The following EYS variants were observed in gnomAD, a reference collection of about 807,000 sequenced individuals.
EYS encodes EGF-like photoreceptor maintenance factor, also known as protein eyes shut homolog.
A neutral mutation model predicts 282.1 loss-of-function variants in EYS; 250 were observed. The observed-to-expected ratio is 0.89, with a 90% CI of 0.80 to 0.98. The LOEUF is 0.98. Among genes scored for constraint, EYS ranks in the 50% least tolerant of loss-of-function variants. EYS has a pLI of 0.00. For synonymous variants in EYS, 1,355 were observed against 1,282.9 expected (o/e 1.06, Z -1.20); for missense variants, 4,016 against 3,709.0 (o/e 1.08, Z -2.15).
chr6:65,070,546 C>T (rs1773873461), intron 12 of EYS, among the ~76,000 whole-genome samples: 2 of 151,600 alleles, frequency 1.3e-5, no homozygotes, highest in African/African-American at 2.4e-5. Flanking sequence ...TTTGTGGGTA[C>T]ACTGTAGGTT....
At chr6:64,291,409 T>C (rs904161117) in intron 30 of EYS, among the ~76,000 whole-genome samples, 30 of 152,110 alleles carry the variant, frequency 2.0e-4, no homozygotes, top group African/African-American at 6.3e-4. Context: ...GTAAAACAAC[T>C]ATATTCATTT....
At chr6:64,473,821 G>C (rs954834864) in intron 26 of EYS, among the ~76,000 whole-genome samples, 1 of 152,110 alleles carries the variant, frequency 6.6e-6, no homozygotes, top group African/African-American at 2.4e-5. Context: ...TTTTAGATAA[G>C]ACTGTAGACC....
At chr6:65,655,930 C>T (rs1011001784) in intron 1 of EYS, among the ~76,000 whole-genome samples, 1 of 151,838 alleles carries the variant, frequency 6.6e-6, no homozygotes, top group Non-Finnish European at 1.5e-5. Flanking sequence ...GAAAGAAGTA[C>T]ATTGGTGTCA....
intron 10 of EYS, among the ~76,000 whole-genome samples, chr6:65,336,624 C>T (rs1171763577): frequency 1.3e-5 from 2 of 151,394 alleles, no homozygotes; most frequent in East Asian, 3.9e-4. Flanking sequence ...TTGCTAAATA[C>T]TTTTATCCTT....
chr6:65,567,970 C>T, intron 2 of EYS, among the ~76,000 whole-genome samples: 1 of 152,074 alleles, frequency 6.6e-6, no homozygotes. Context: ...TTCCCCACCT[C>T]TCCATGTATC....
chr6:63,987,742 G>A (rs553347938), intron 34 of EYS, among the ~76,000 whole-genome samples: 119 of 151,678 alleles, frequency 7.8e-4, no homozygotes, highest in African/African-American at 2.8e-3. Context: ...ATGGAATACT[G>A]TCATTGCCAG....
chr6:64,997,325 G>A (rs983125754), intron 14 of EYS, among the ~76,000 whole-genome samples: 4 of 152,186 alleles, frequency 2.6e-5, no homozygotes, highest in African/African-American at 9.6e-5. Flanking sequence ...ATTGCCACAA[G>A]TTGTGAATCC....
intron 21 of EYS, chr6:64,815,178 T>C (rs1030897960): frequency 2.3e-6 from 1 of 436,998 alleles, no homozygotes; most frequent in Non-Finnish European, 4.6e-6. Flanking sequence ...TAGAACTAAG[T>C]ATGTTTTTAT....
chr6:65,678,461 T>C (rs903644446), intron 1 of EYS, among the ~76,000 whole-genome samples: 1 of 151,968 alleles, frequency 6.6e-6, no homozygotes, highest in Non-Finnish European at 1.5e-5. Context: ...TAACTCAAAA[T>C]AGATTAAAGA....
intron 26 of EYS, among the ~76,000 whole-genome samples, chr6:64,514,462 G>A (rs1278742772): frequency 6.6e-6 from 1 of 151,848 alleles, no homozygotes; most frequent in Non-Finnish European, 1.5e-5. Flanking sequence ...CCATGGCCTT[G>A]TGACCTAAGC....
rs115915159 is a variant in EYS, at chr6:64,057,172, A to C, written c.6725+9166T>G. Among the ~76,000 whole-genome samples, 395 of 152,330 alleles carry C rather than the reference A, an allele frequency of 2.6e-3. 1 individual carries two copies. Among genetic ancestry groups the C allele is most frequent in the African/African-American group, 8.8e-3 (366 of 41,580 alleles). On this transcript the variant is annotated intron_variant, in intron 33 of 42. Coordinates refer to ENST00000503581, the MANE Select transcript of EYS (RefSeq NM_001142800.2). ...GTACCTGTCTATGGAACAGGCTTTC[A>C]ATTTTAAAGAAAATTGGTAAATCTT...
rs56901295 is a variant in EYS, at chr6:64,838,617, T to TACAC, written c.2993-15799_2993-15796dup. Among the ~76,000 whole-genome samples the TACAC allele has an allele frequency of 9.9e-3, 1,489 of 149,666 alleles. 15 individuals are homozygous for TACAC. Among genetic ancestry groups the TACAC allele is most frequent in the Non-Finnish European group, 0.015 (1,034 of 67,202 alleles). ...GAGTCTTCCTCTCTTTCTGTTTCTC[T>TACAC]ACACACACACACACACACACACACA... On this transcript the variant is annotated intron_variant, in intron 19 of 42. Transcript: ENST00000503581.
intron 2 of EYS, among the ~76,000 whole-genome samples, chr6:65,599,868 C>A (rs921692058): frequency 1.3e-5 from 2 of 151,940 alleles, no homozygotes; most frequent in Admixed American, 6.6e-5. Context: ...AAACAAATAC[C>A]TTGAGTGCTA....
In EYS at chr6:63,887,759, GAAGT is replaced by G. The variant is rs562525456; in HGVS notation, c.7056-23405_7056-23402del. 9.6e-3 allele frequency among the ~76,000 whole-genome samples: 1,079 copies of G among 112,718 alleles called. 30 individuals are homozygous for G. The highest frequency in any genetic ancestry group is 3.8e-3 in the Non-Finnish European group (168 of 43,874). 73.9% of individuals were successfully genotyped at this position (112,718 alleles called of 152,430 possible). The stretch of plus-strand genomic sequence containing the variant: ...TTGGGCAGCCACTGAGCTAGATGCA[GAAGT>G]TTTTTTTCATACCCCAGTGGTACCT... On this transcript the variant is annotated intron_variant, in intron 35 of 42. Coordinates refer to ENST00000503581, the MANE Select transcript of EYS (RefSeq NM_001142800.2).
At chr6:64,653,726 A>C (rs1187681666) in intron 22 of EYS, among the ~76,000 whole-genome samples, 1 of 77,276 alleles carries the variant, frequency 1.3e-5, no homozygotes, top group Non-Finnish European at 2.6e-5. Flanking sequence ...CACCATGCCC[A>C]GCTATTTTTT....
At chr6:64,598,087 A>G (rs554241489) in intron 24 of EYS, among the ~76,000 whole-genome samples, 1 of 152,354 alleles carries the variant, frequency 6.6e-6, no homozygotes, top group Admixed American at 6.5e-5. Flanking sequence ...CATTAAGTGG[A>G]AAAATATCCA....
chr6:65,005,834 T>C (rs1236007292), intron 13 of EYS, among the ~76,000 whole-genome samples: 1 of 152,240 alleles, frequency 6.6e-6, no homozygotes, highest in Non-Finnish European at 1.5e-5. Context: ...CAGAAGTCTC[T>C]ACCCAGCAGT....
At chr6:64,096,719 A>G (rs560744366) in intron 31 of EYS, among the ~76,000 whole-genome samples, 2 of 152,206 alleles carry the variant, frequency 1.3e-5, no homozygotes, top group Admixed American at 1.3e-4. Context: ...AGCTCGGTGT[A>G]GTTTGATCGT....
At chr6:63,835,465 G>A (rs541133451) in intron 36 of EYS, among the ~76,000 whole-genome samples, 1 of 152,086 alleles carries the variant, frequency 6.6e-6, no homozygotes, top group East Asian at 1.9e-4. Flanking sequence ...CGTTCTTTAA[G>A]TGACGTAACT....
Sources: gnomAD v4.1 joint callset for allele counts (sites outside exome capture counted in the v4.1 genomes callset) on GRCh38, gnomAD v4.1.1 for gene constraint, MANE v1.5 for transcripts, NCBI Gene and HGNC (gene_info 2026-07-23, HGNC 2026-07-21) for gene names.